The following LTBP2 variants were observed in gnomAD, a reference collection of about 807,000 sequenced individuals.
LTBP2 encodes the protein latent transforming growth factor beta binding protein 2.
In LTBP2, 103 loss-of-function variants were observed where a neutral mutation model predicts 210.6. The observed-to-expected ratio is 0.49, with a 90% confidence interval of 0.42 to 0.58. The LOEUF is 0.58. Among genes scored for constraint, LTBP2 ranks in the 20% least tolerant of loss-of-function variants. LTBP2 has a pLI of 0.00. For missense variants in LTBP2, 2,313 were observed against 2,494.5 expected, an observed-to-expected ratio of 0.93 and a Z score of 1.55; for synonymous variants, 1,007 against 1,015.0, an observed-to-expected ratio of 0.99 and a Z score of 0.15.
At chr14:74,529,468 G>A (rs546114647) in intron 10 of LTBP2, among the ~76,000 whole-genome samples, 296 of 152,274 alleles carry the variant, frequency 1.9e-3, no homozygotes, top group Non-Finnish European at 3.4e-3. Context: ...AGGGTTGAGC[G>A]GGCAGCAGTA....
chr14:74,611,186 G>A (rs1231357461), intron 1 of LTBP2, among the ~76,000 whole-genome samples: 1 of 152,252 alleles, frequency 6.6e-6, no homozygotes, highest in African/African-American at 2.4e-5. Flanking sequence ...CGAGTGGAGA[G>A]GCGCCTTGCG....
rs770631509 is a variant in LTBP2, at chr14:74,502,665, C to G, written c.5158G>C (p.Ala1720Pro). Residue 1720 changes from alanine (A) to proline (P), a missense_variant, in exon 34 of 36, where the codon GCC becomes CCC. Ala to Pro is a conservative substitution (Grantham distance 27). This residue lies in a region of LTBP2 where 443 missense variants were observed against 501.4 expected (regional missense o/e 0.88). Coordinates refer to ENST00000261978, the MANE Select transcript of LTBP2 (RefSeq NM_000428.3). ...CAGCAACACAGACCTGGATGGCTGGCCACGTAGTGGGGCTGGAGTTCTGAG... is the reference window on the plus strand; with the variant it reads ...CAGCAACACAGACCTGGATGGCTGGGCACGTAGTGGGGCTGGAGTTCTGAG... ...QPSELQPHYVASHPEPPAGFE... is the reference protein window; with the variant it reads ...QPSELQPHYVPSHPEPPAGFE... The G allele has an allele frequency of 6.2e-7, 1 of 1,614,172 alleles. No homozygotes were observed. Among genetic ancestry groups the G allele is most frequent in the South Asian group, 1.1e-5 (1 of 91,086 alleles).
rs760032791 is a variant in LTBP2, at chr14:74,532,458, A to T, written c.1955T>A (p.Leu652His). ...GSYLCTCRPG[L>H]MLDPSRSRCV... Reference sequence around the variant, plus strand: ...GCGGCTCCGCGATGGATCCAGCATGAGGCCAGGTCTGCATGTGCACAGGTA... The same window carrying T: ...GCGGCTCCGCGATGGATCCAGCATGTGGCCAGGTCTGCATGTGCACAGGTA... Residue 652 changes from leucine to histidine, a missense_variant, in exon 10 of 36, where the codon CTC becomes CAC. Coordinates refer to ENST00000261978, the MANE Select transcript of LTBP2 (RefSeq NM_000428.3). The T allele has an allele frequency of 2.5e-6, 4 of 1,614,190 alleles. No individual in the cohort carries two copies. The highest frequency in any genetic ancestry group is 8.5e-7 in the Non-Finnish European group (1 of 1,180,020).
chr14:74,527,322 C>G (rs544803841), intron 13 of LTBP2, 25 bp downstream of exon 13: 3 of 1,609,610 alleles, frequency 1.9e-6, no homozygotes, highest in Non-Finnish European at 2.5e-6. Context: ...GCTTGCCCGG[C>G]CCCCTAGTGG....
Position 74,505,080 on chromosome 14 carries a change from G to A in LTBP2, c.4272C>T (p.Ser1424=), listed in dbSNP as rs377493982. Residue 1424 remains serine, a synonymous_variant, in exon 29 of 36, where the codon TCC becomes TCT. Transcript: ENST00000261978. ...YSGQKGHAPC[S]SVLGRNTTQA... ...GTGTGGTGTTCCGGCCCAGGACACTGGAGCAGGGCGCATGGCCCTTCTGCC... is the reference window on the plus strand; with the variant it reads ...GTGTGGTGTTCCGGCCCAGGACACTAGAGCAGGGCGCATGGCCCTTCTGCC... The A allele has an allele frequency of 7.6e-5, 123 of 1,614,018 alleles. No homozygotes were observed. The highest frequency in any genetic ancestry group is 9.8e-5 in the Non-Finnish European group (116 of 1,180,052).
chr14:74,604,798 T>C (rs1439708108), intron 1 of LTBP2, among the ~76,000 whole-genome samples: 1 of 151,936 alleles, frequency 6.6e-6, no homozygotes, highest in African/African-American at 2.4e-5. Flanking sequence ...GCCCTTCAGC[T>C]ACTCCTTGAT....
rs980956748 is a variant in LTBP2 at position 74,612,094 on chromosome 14, G to A, written c.-150C>T. 8.8e-6 allele frequency: 7 copies of A among 795,880 alleles called. No individual in the cohort carries two copies. Among genetic ancestry groups the A allele is most frequent in the Non-Finnish European group, 1.3e-5 (7 of 547,146 alleles). The allele number at this position is 795,880 out of a possible 1,614,324, so 49.3% of individuals were successfully genotyped here. ...CCCTGAAGCGGCCGACTGGGGGCCCGGCTCTCGGCGGAACGAGGGCTGCGC... is the reference window on the plus strand; with the variant it reads ...CCCTGAAGCGGCCGACTGGGGGCCCAGCTCTCGGCGGAACGAGGGCTGCGC... On this transcript the variant is annotated 5_prime_UTR_variant, in exon 1 of 36. Coordinates refer to ENST00000261978, the MANE Select transcript of LTBP2 (RefSeq NM_000428.3).
At chr14:74,609,363 AC>A (rs1195574853) in intron 1 of LTBP2, among the ~76,000 whole-genome samples, 1 of 152,136 alleles carries the variant, frequency 6.6e-6, no homozygotes, top group East Asian at 1.9e-4. Context: ...GTTCACATCC[AC>A]CAGCTTTGTT....
chr14:74,528,422 T>G, intron 12 of LTBP2, 61 bp downstream of exon 12: 7 of 1,577,968 alleles, frequency 4.4e-6, no homozygotes, highest in Non-Finnish European at 6.1e-6. Flanking sequence ...CACACTTCTC[T>G]GAGGTGCTGG....
rs137854866 is a variant in LTBP2 at position 74,503,521 on chromosome 14, C to G, written c.4668G>C (p.Pro1556=). The G allele has an allele frequency of 2.8e-5, 45 of 1,613,126 alleles. No homozygotes were observed. Among genetic ancestry groups the G allele is most frequent in the Middle Eastern group, 1.7e-4 (1 of 6,060 alleles). The change falls in exon 32 of 36, where the codon CCG becomes CCC. Residue 1556 remains proline (P), a synonymous_variant. Coordinates refer to ENST00000261978, the MANE Select transcript of LTBP2 (RefSeq NM_000428.3). ...GCTGCTGGCTGAGGTCCAGGGTGAGCGGGGGGCTGCAGAAGCAGTGGAAGG... is the reference window on the plus strand; with the variant it reads ...GCTGCTGGCTGAGGTCCAGGGTGAGGGGGGGGCTGCAGAAGCAGTGGAAGG... ...EGSFHCFCSP[P]LTLDLSQQRC...
rs539648446 is a variant in LTBP2 at position 74,528,222 on chromosome 14, G to T, written c.2368+261C>A. Reference sequence around the variant, plus strand: ...TGGAGAGGCCTGATCGCTGGGGTGGGGGCTGCGGCTGATCTTTCCCACCTC... The same window carrying T: ...TGGAGAGGCCTGATCGCTGGGGTGGTGGCTGCGGCTGATCTTTCCCACCTC... On this transcript the variant is annotated intron_variant, in intron 12 of 35. Coordinates refer to ENST00000261978, the MANE Select transcript of LTBP2 (RefSeq NM_000428.3). 1.2e-3 allele frequency among the ~76,000 whole-genome samples: 185 copies of T among 152,334 alleles called. 3 individuals are homozygous for T. In the South Asian group the frequency reaches 0.017, roughly 14 times the overall value.
rs1318412348 is a variant in LTBP2, at chr14:74,528,529, C to G, written c.2322G>C (p.Arg774=). ...LPGPAERQPL[R]VVTDTWLEAG... ...CCTCAAGCCAGGTGTCCGTGACGAC[C>G]CGGAGGGGCTGCCTCTCTGCTGGCC... Residue 774 remains arginine, a synonymous_variant, in exon 12 of 36, where the codon CGG becomes CGC. Coordinates refer to ENST00000261978, the MANE Select transcript of LTBP2 (RefSeq NM_000428.3). 6.2e-7 allele frequency: 1 copy of G among 1,612,480 alleles called. No individual in the cohort carries two copies. The highest frequency in any genetic ancestry group is 1.7e-5 in the Admixed American group (1 of 60,032).
Position 74,552,341 on chromosome 14 carries a change from T to G in LTBP2, c.1245A>C (p.Glu415Asp), listed in dbSNP as rs1376240616. Residue 415 changes from glutamate to aspartate, a missense_variant, in exon 6 of 36, where the codon GAA becomes GAC. This residue lies in a region of LTBP2 where 1,867 missense variants were observed against 1,976.9 expected (regional missense o/e 0.94). Transcript: ENST00000261978. ...CGGTGGAGTTGGCGGGGCACCAGCA[T>G]TCGTCCCTGCCGATGCAGCGGCCTC... ...LNGGRCIGRD[E>D]CWCPANSTGK... 6.2e-7 allele frequency: 1 copy of G among 1,611,926 alleles called. No homozygotes were observed. Among genetic ancestry groups the G allele is most frequent in the South Asian group, 1.1e-5 (1 of 91,086 alleles).
intron 8 of LTBP2, among the ~76,000 whole-genome samples, chr14:74,540,855 T>TAC: frequency 1.1e-5 from 1 of 88,336 alleles, no homozygotes; most frequent in East Asian, 2.3e-4. Flanking sequence ...ATATTATATA[T>TAC]ATTATATATA....
In LTBP2 at chr14:74,533,106, G is replaced by A. The variant is rs1287845188; in HGVS notation, c.1865-558C>T. On this transcript the variant is annotated intron_variant, in intron 9 of 35. Coordinates refer to ENST00000261978, the MANE Select transcript of LTBP2 (RefSeq NM_000428.3). The stretch of plus-strand genomic sequence containing the variant: ...AGCAATCTGCCTGCCTTGGCCTCCC[G>A]AAGTGCTGAGATTACAAGCATGAGC... Among the ~76,000 whole-genome samples, 22 of 152,346 alleles carry A rather than the reference G, an allele frequency of 1.4e-4. No homozygotes were observed. In the Middle Eastern group the frequency reaches 0.01, roughly 71 times the overall value.
At chr14:74,606,573 G>A (rs1050713946) in intron 1 of LTBP2, among the ~76,000 whole-genome samples, 3 of 152,218 alleles carry the variant, frequency 2.0e-5, no homozygotes, top group African/African-American at 7.2e-5. Flanking sequence ...CCTGGGCCAG[G>A]CAAGGTGGCT....
At chr14:74,533,055 T>C (rs1460591939) in intron 9 of LTBP2, among the ~76,000 whole-genome samples, 2 of 152,210 alleles carry the variant, frequency 1.3e-5, no homozygotes, top group African/African-American at 2.4e-5. Context: ...ATGTTGCCCA[T>C]GGCTGGTCTC....
chr14:74,509,064 G>A (rs896342344), intron 22 of LTBP2, 112 bp from the exon 23 acceptor site: 17 of 1,571,026 alleles, frequency 1.1e-5, no homozygotes, highest in Admixed American at 1.0e-4. Context: ...CTGGACCCAC[G>A]GGGGATCATC....
At chr14:74,550,652 C>T (rs1385821582) in intron 7 of LTBP2, among the ~76,000 whole-genome samples, 2 of 152,178 alleles carry the variant, frequency 1.3e-5, no homozygotes, top group African/African-American at 2.4e-5. Flanking sequence ...GGGTTAACCT[C>T]CATTTGTTAA....
Sources: allele counts gnomAD v4.1 joint callset (sites outside exome capture counted in the v4.1 genomes callset), GRCh38; gene constraint gnomAD v4.1.1; regional missense constraint gnomAD v4.1.1; transcripts MANE v1.5; gene names NCBI Gene and HGNC (gene_info 2026-07-23, HGNC 2026-07-21).